The following SMG1 variants were observed in gnomAD, a reference collection of about 807,000 sequenced individuals.
SMG1 encodes SMG1 nonsense mediated mRNA decay associated PI3K related kinase, also known as serine/threonine-protein kinase SMG1.
SMG1 carries 22 observed loss-of-function variants against 419.9 expected under a neutral mutation model. The observed-to-expected ratio is 0.05, with a 90% CI of 0.04 to 0.07. The LOEUF is 0.07. Ranked by LOEUF, SMG1 falls within the 10% of genes least tolerant of loss-of-function variation. The pLI is 1.00. For synonymous variants in SMG1, 1,538 were observed against 1,553.5 expected (o/e 0.99, Z 0.23); for missense variants, 3,185 against 4,342.0 (o/e 0.73, Z 7.49).
At chr16:18,921,389 T>C (rs894532993) in intron 1 of SMG1, among the ~76,000 whole-genome samples, 2 of 152,038 alleles carry the variant, frequency 1.3e-5, no homozygotes, top group African/African-American at 4.8e-5. Flanking sequence ...AAAACAAACG[T>C]TCCTTTAGTT....
intron 1 of SMG1, among the ~76,000 whole-genome samples, chr16:18,920,826 T>C (rs1356467610): frequency 1.3e-5 from 2 of 148,774 alleles, no homozygotes; most frequent in Non-Finnish European, 3.0e-5. Flanking sequence ...AGCAATGGAG[T>C]AAGACTCTGT....
chr16:18,842,132 A>C, intron 40 of SMG1, 76 bp downstream of exon 40: 1 of 1,461,814 alleles, frequency 6.8e-7, no homozygotes, highest in Non-Finnish European at 9.3e-7. Context: ...ATCTCCTACT[A>C]TACACACCCA....
chr16:18,845,743 G>T, intron 38 of SMG1, 92 bp from the exon 39 acceptor site: 1 of 890,492 alleles, frequency 1.1e-6, no homozygotes, highest in Non-Finnish European at 1.8e-6. Context: ...CAATTGTTAA[G>T]TAAACAGTAC....
Position 18,864,041 on chromosome 16 carries a change from C to T in SMG1, c.3454G>A (p.Ala1152Thr). The change falls in exon 24 of 63, where the codon GCT becomes ACT. Residue 1152 changes from alanine (A) to threonine (T), a missense_variant. Transcript: ENST00000446231. Reference sequence around the variant, plus strand: ...TTCGGGCTGGCACTGTTACGCCCAGCATTGGCTAAGGTGAGCACCGATTTG... The same window carrying T: ...TTCGGGCTGGCACTGTTACGCCCAGTATTGGCTAAGGTGAGCACCGATTTG... ...FDKSVLTLAN[A>T]GRNSASPKHS... The T allele has an allele frequency of 1.3e-6, 2 of 1,550,090 alleles. No individual in the cohort carries two copies. The highest frequency in any genetic ancestry group is 1.2e-5 in the South Asian group (1 of 83,982).
In SMG1 at chr16:18,815,325, T is replaced by C. The variant is rs534385031; in HGVS notation, c.10515-44A>G. On this transcript the variant is annotated intron_variant, in intron 59 of 62. Coordinates refer to ENST00000446231, the MANE Select transcript of SMG1 (RefSeq NM_015092.5). ...TGGCTTATTTACGAAATGTTTTACC[T>C]GATACTACTTATAAAAATATGAACA... 1.8e-5 allele frequency: 28 copies of C among 1,525,994 alleles called. No individual in the cohort carries two copies. In the South Asian group the frequency reaches 3.2e-4, roughly 17 times the overall value. 94.5% of individuals were successfully genotyped at this position (1,525,994 alleles called of 1,614,324 possible).
At position 18,807,517 on chromosome 16, in the gene SMG1, A is replaced by G. The variant is rs1451871794; in HGVS notation, c.*2052T>C. ...TTGGACACATGGGTATTTCAAAAAA[A>G]TCCACCGTGCCTACAATACTTGTTA... On this transcript the variant is annotated 3_prime_UTR_variant, in exon 63 of 63. Transcript: ENST00000446231. The G allele has an allele frequency of 6.6e-6, 1 of 152,212 alleles. No individual in the cohort carries two copies. The highest frequency in any genetic ancestry group is 1.5e-5 in the Non-Finnish European group (1 of 68,038). 9.4% of individuals were successfully genotyped at this position (152,212 alleles called of 1,614,324 possible).
At chr16:18,860,953 CA>C (rs1329736697) in intron 25 of SMG1, 177 bp from the exon 26 acceptor site, 1 of 498,894 alleles carries the variant, frequency 2.0e-6, no homozygotes, top group Non-Finnish European at 3.6e-6. Flanking sequence ...ATGTGACTAC[CA>C]CTTAATTAGT....
intron 10 of SMG1, among the ~76,000 whole-genome samples, chr16:18,881,896 A>T (rs1019575561): frequency 6.6e-6 from 1 of 152,164 alleles, no homozygotes; most frequent in African/African-American, 2.4e-5. Flanking sequence ...AATATTATTT[A>T]AAAACGAAAG....
At chr16:18,814,988 G>C (rs1033733571) in intron 60 of SMG1, among the ~76,000 whole-genome samples, 187 bp downstream of exon 60, 5 of 151,196 alleles carry the variant, frequency 3.3e-5, no homozygotes, top group African/African-American at 9.7e-5. Flanking sequence ...AAGTAGCTGA[G>C]ATTACAGGTG....
At chr16:18,922,461 A>G (rs1393368592) in intron 1 of SMG1, among the ~76,000 whole-genome samples, 1 of 151,944 alleles carries the variant, frequency 6.6e-6, no homozygotes, top group Non-Finnish European at 1.5e-5. Context: ...ACCTAAGACC[A>G]CTCATTTGTT....
rs1484737283 is a variant in SMG1 at position 18,868,289 on chromosome 16, G to A, written c.3096C>T (p.Leu1032=). 2.2e-5 allele frequency: 33 copies of A among 1,495,818 alleles called. No individual in the cohort carries two copies. Among genetic ancestry groups the A allele is most frequent in the Non-Finnish European group, 2.7e-5 (30 of 1,108,246 alleles). 92.7% of individuals were successfully genotyped at this position (1,495,818 alleles called of 1,614,324 possible). The change falls in exon 22 of 63, where the codon CTC becomes CTT. Residue 1032 remains leucine (L), a synonymous_variant. Coordinates refer to ENST00000446231, the MANE Select transcript of SMG1 (RefSeq NM_015092.5). ...TCQDWLTRIR[L]SIMRVGLLAG... ...CCAACAATCCTACCCTCATGATGGA[G>A]AGTCGAATCCGCGTTAGCCAGTCCT...
intron 6 of SMG1, 147 bp from the exon 7 acceptor site, chr16:18,885,813 AAT>A: frequency 5.5e-6 from 4 of 732,058 alleles, no homozygotes; most frequent in South Asian, 3.8e-5. Flanking sequence ...AAAAAAAAAA[AAT>A]TGACTTGTAA....
chr16:18,829,901 A>G (rs2033048109), intron 53 of SMG1, 25 bp downstream of exon 53: 2 of 1,503,868 alleles, frequency 1.3e-6, no homozygotes, highest in African/African-American at 1.4e-5. Flanking sequence ...AGCTAAAGCT[A>G]GTATGTTTAC....
At chr16:18,812,388 C>T (rs183706983) in intron 60 of SMG1, among the ~76,000 whole-genome samples, 17 of 152,150 alleles carry the variant, frequency 1.1e-4, no homozygotes, top group Admixed American at 4.6e-4. Flanking sequence ...TGATGGCTCA[C>T]GCCTGTAATC....
At position 18,903,371 on chromosome 16, in the gene SMG1, G is replaced by A. The variant is rs1259050712; in HGVS notation, c.93-6415C>T. ...AGTACCCCCTCACATCCATGCCCCA[G>A]TGCTCCTTTTCTCTGACTTCAAGTG... On this transcript the variant is annotated intron_variant, in intron 1 of 62. Transcript: ENST00000446231. Among the ~76,000 whole-genome samples, 4 of 152,264 alleles carry A rather than the reference G, an allele frequency of 2.6e-5. No homozygotes were observed. In the East Asian group the frequency reaches 5.8e-4, roughly 22 times the overall value.
chr16:18,806,183 A>T lies in SMG1; in HGVS notation c.*3386T>A, dbSNP rs1339065089. The T allele has an allele frequency of 6.6e-6, 1 of 152,584 alleles. No individual in the cohort carries two copies. The highest frequency in any genetic ancestry group is 1.5e-5 in the Non-Finnish European group (1 of 68,034). The allele number at this position is 152,584 out of a possible 1,614,324, so 9.5% of individuals were successfully genotyped here. On this transcript the variant is annotated 3_prime_UTR_variant, in exon 63 of 63. Coordinates refer to ENST00000446231, the MANE Select transcript of SMG1 (RefSeq NM_015092.5). ...AAATGGCTCTTTCCTTAAATTTCACACGTCAGAACAACCACAATTAAAAAA... is the reference window on the plus strand; with the variant it reads ...AAATGGCTCTTTCCTTAAATTTCACTCGTCAGAACAACCACAATTAAAAAA...
chr16:18,915,298 AAAAGATC>A (rs1296978506), intron 1 of SMG1, among the ~76,000 whole-genome samples: 1 of 152,014 alleles, frequency 6.6e-6, no homozygotes, highest in East Asian at 1.9e-4. Flanking sequence ...TTCTTCTGTA[AAAAGATC>A]TGGCCACTCC....
chr16:18,878,567 G>T (rs149883505), intron 11 of SMG1: 1 of 147,772 alleles, frequency 6.8e-6, no homozygotes, highest in Non-Finnish European at 1.5e-5. Flanking sequence ...TGATTGTACC[G>T]CTGCACTCCA....
At chr16:18,925,697 G>C in intron 1 of SMG1, 1 of 142,958 alleles carries the variant, frequency 7.0e-6, no homozygotes. Context: ...CCCGACCCCA[G>C]GCCAGTGCCA....
Sources: allele counts gnomAD v4.1 joint callset (sites outside exome capture counted in the v4.1 genomes callset), GRCh38; gene constraint gnomAD v4.1.1; transcripts MANE v1.5; gene names NCBI Gene and HGNC (gene_info 2026-07-23, HGNC 2026-07-21).